The following PCDH15 variants were observed in gnomAD, a reference collection of about 807,000 sequenced individuals.
PCDH15 encodes the protein protocadherin-15.
A neutral mutation model predicts 178.5 loss-of-function variants in PCDH15; 129 were observed. That is an observed-to-expected ratio of 0.72 (90% CI 0.63 to 0.84). The LOEUF is 0.84. Among genes scored for constraint, PCDH15 ranks in the 40% least tolerant of loss-of-function variants. The pLI, the probability that PCDH15 is intolerant of heterozygous loss-of-function variation, is 0.00. For missense variants in PCDH15, 2,230 were observed against 2,099.9 expected (o/e 1.06, Z -1.21); for synonymous variants, 800 against 732.0 (o/e 1.09, Z -1.50).
chr10:55,176,378 C>G (rs1187023615), intron 1 of PCDH15, among the ~76,000 whole-genome samples: 5 of 152,120 alleles, frequency 3.3e-5, no homozygotes, highest in Non-Finnish European at 7.4e-5. Context: ...AGGGTATACT[C>G]TTTGTCTTCC....
At chr10:54,607,796 A>T in intron 2 of PCDH15, 1 of 493,456 alleles carries the variant, frequency 2.0e-6, no homozygotes, top group Non-Finnish European at 4.1e-6. Flanking sequence ...AAGAATTTTT[A>T]TAGATATATG....
intron 2 of PCDH15, among the ~76,000 whole-genome samples, chr10:55,016,218 T>C (rs1305508758): frequency 6.6e-6 from 1 of 152,038 alleles, no homozygotes; most frequent in East Asian, 1.9e-4. Context: ...TAAATGTATT[T>C]AGCACCTCAA....
At chr10:54,020,536 C>A (rs748017636) in intron 19 of PCDH15, 120 bp from the exon 20 acceptor site, 4 of 999,946 alleles carry the variant, frequency 4.0e-6, no homozygotes, top group South Asian at 1.4e-5. Flanking sequence ...CAAAAAGACA[C>A]GTTTTTTGTT....
intron 23 of PCDH15, among the ~76,000 whole-genome samples, chr10:53,941,257 A>G (rs2086039829): frequency 6.6e-6 from 1 of 152,126 alleles, no homozygotes; most frequent in Non-Finnish European, 1.5e-5. Context: ...AATGGCATGT[A>G]TCCGCTTTCA....
chr10:54,723,001 A>G (rs1369321523), intron 1 of PCDH15, among the ~76,000 whole-genome samples: 2 of 151,616 alleles, frequency 1.3e-5, no homozygotes, highest in Non-Finnish European at 3.0e-5. Flanking sequence ...TGCAATGCCT[A>G]TCAATTTAGC....
intron 10 of PCDH15, among the ~76,000 whole-genome samples, chr10:54,209,530 C>G (rs1467163607): frequency 6.6e-6 from 1 of 151,600 alleles, no homozygotes; most frequent in Non-Finnish European, 1.5e-5. Flanking sequence ...GAGTGGGTGA[C>G]CAACTAAAAT....
intron 16 of PCDH15, among the ~76,000 whole-genome samples, chr10:54,087,179 T>C (rs1186169505): frequency 6.6e-6 from 1 of 151,610 alleles, no homozygotes; most frequent in African/African-American, 2.4e-5. Context: ...TCAGATATCA[T>C]AAAATCCACC....
At chr10:55,343,808 T>A (rs2131957869) in intron 2 of PCDH15, among the ~76,000 whole-genome samples, 1 of 152,248 alleles carries the variant, frequency 6.6e-6, no homozygotes, top group South Asian at 2.1e-4. Flanking sequence ...GAACACATAT[T>A]ACGTGCCAGG....
At chr10:54,749,106 G>A (rs1247550372) in intron 1 of PCDH15, among the ~76,000 whole-genome samples, 1 of 151,906 alleles carries the variant, frequency 6.6e-6, no homozygotes, top group South Asian at 2.1e-4. Context: ...GCTGTAGGAA[G>A]AAAGACCTAG....
chr10:54,503,049 C>A (rs1272856874), intron 3 of PCDH15, among the ~76,000 whole-genome samples: 1 of 151,260 alleles, frequency 6.6e-6, no homozygotes, highest in Non-Finnish European at 1.5e-5. Context: ...TGTAAAATAT[C>A]CTTTTCTAAG....
chr10:55,100,453 A>AC (rs1842549520), intron 2 of PCDH15, among the ~76,000 whole-genome samples: 1 of 152,116 alleles, frequency 6.6e-6, no homozygotes, highest in South Asian at 2.1e-4. Flanking sequence ...AAATACTTGA[A>AC]CCTGGGCAAT....
chr10:53,932,642 GGAA>G (rs1370682595), intron 25 of PCDH15, among the ~76,000 whole-genome samples: 1 of 152,052 alleles, frequency 6.6e-6, no homozygotes, highest in Non-Finnish European at 1.5e-5. Context: ...CCCCTATAAA[GGAA>G]TACTCATACA....
intron 9 of PCDH15, among the ~76,000 whole-genome samples, chr10:54,219,766 A>C (rs1214478782): frequency 6.6e-6 from 1 of 151,848 alleles, no homozygotes; most frequent in Non-Finnish European, 1.5e-5. Flanking sequence ...GAAAATAAAC[A>C]CTGACTGATA....
At chr10:53,921,544 T>C (rs1366610577) in intron 25 of PCDH15, among the ~76,000 whole-genome samples, 1 of 152,132 alleles carries the variant, frequency 6.6e-6, no homozygotes, top group Non-Finnish European at 1.5e-5. Flanking sequence ...TGGCCAAGGA[T>C]ACACAGCTCA....
chr10:54,385,634 C>T (rs962183384), intron 3 of PCDH15, among the ~76,000 whole-genome samples: 6 of 152,120 alleles, frequency 3.9e-5, no homozygotes, highest in African/African-American at 1.4e-4. Flanking sequence ...ATAGGCTTAT[C>T]ATTTGAGAGG....
rs186787514 is a variant in PCDH15, at chr10:54,310,251, C to T, written c.876+7020G>A. ...GGAAAACACTGAACCTTTTTAAACACCAAAAAATCAGATCAGCATTGTATT... is the reference window on the plus strand; with the variant it reads ...GGAAAACACTGAACCTTTTTAAACATCAAAAAATCAGATCAGCATTGTATT... On this transcript the variant is annotated intron_variant, in intron 8 of 37. Coordinates refer to ENST00000644397, the MANE Select transcript of PCDH15 (RefSeq NM_001384140.1). 2.4e-3 allele frequency among the ~76,000 whole-genome samples: 372 copies of T among 152,076 alleles called. 2 individuals are homozygous for T. Among genetic ancestry groups the T allele is most frequent in the African/African-American group, 6.6e-3 (274 of 41,508 alleles).
intron 2 of PCDH15, among the ~76,000 whole-genome samples, chr10:54,655,216 G>T (rs1209259235): frequency 7.5e-6 from 1 of 133,194 alleles, no homozygotes; most frequent in Non-Finnish European, 1.6e-5. Context: ...TCAAAAAAAA[G>T]GAAGGGAGGA....
intron 2 of PCDH15, among the ~76,000 whole-genome samples, chr10:55,069,622 G>A (rs1841672524): frequency 7.0e-6 from 1 of 142,466 alleles, no homozygotes; most frequent in Non-Finnish European, 1.5e-5. Context: ...ATTTTTTATG[G>A]CTGCATAGTA....
chr10:54,844,993 C>T (rs1953480553), intron 3 of PCDH15, among the ~76,000 whole-genome samples: 1 of 151,670 alleles, frequency 6.6e-6, no homozygotes, highest in African/African-American at 2.4e-5. Flanking sequence ...CTTCTGCTTT[C>T]CTGAGTTCTT....
Sources: allele counts gnomAD v4.1 joint callset (sites outside exome capture counted in the v4.1 genomes callset), GRCh38; gene constraint gnomAD v4.1.1; transcripts MANE v1.5; gene names NCBI Gene and HGNC (gene_info 2026-07-23, HGNC 2026-07-21).